The following VPS13A variants were observed in gnomAD, a reference collection of about 807,000 sequenced individuals.
The protein encoded by VPS13A is intermembrane lipid transfer protein VPS13A.
VPS13A carries 264 observed loss-of-function variants against 390.9 expected under a neutral mutation model. The ratio of observed to expected loss-of-function variants is 0.68; its 90% CI spans 0.61 to 0.75. The LOEUF (loss-of-function observed/expected upper bound fraction) is 0.75, where lower values mean the gene tolerates loss of function less well. Ranked by LOEUF, VPS13A falls within the 30% of genes least tolerant of loss-of-function variation. The pLI is 0.00. For missense variants in VPS13A, 3,409 were observed against 3,733.9 expected, an observed-to-expected ratio of 0.91 and a Z score of 2.27; for synonymous variants, 1,231 against 1,227.1, an observed-to-expected ratio of 1.00 and a Z score of -0.07.
At chr9:77,398,864 G>T (rs1389601787) in intron 68 of VPS13A, among the ~76,000 whole-genome samples, 1 of 151,474 alleles carries the variant, frequency 6.6e-6, no homozygotes, top group Admixed American at 6.6e-5. Context: ...CATATCCTTT[G>T]TAGGGACATG....
intron 5 of VPS13A, among the ~76,000 whole-genome samples, chr9:77,207,252 T>TATAAAA: frequency 1.1e-5 from 1 of 87,274 alleles, no homozygotes; most frequent in African/African-American, 4.1e-5. Context: ...TATATATATA[T>TATAAAA]AAAACGTGTT....
rs567914009 is a variant in VPS13A, at chr9:77,385,640, C to T, written c.9189+3553C>T. ...TGTCCTATTTCTCTAACATATCAGA[C>T]GTACTTTAAAAAATTCTCTAAAAAG... On this transcript the variant is annotated intron_variant, in intron 68 of 71. Coordinates refer to ENST00000360280, the MANE Select transcript of VPS13A (RefSeq NM_033305.3). 7.9e-5 allele frequency among the ~76,000 whole-genome samples: 12 copies of T among 151,982 alleles called. 1 individual carries two copies. Among genetic ancestry groups the T allele is most frequent in the African/African-American group, 2.2e-4 (9 of 41,506 alleles).
At chr9:77,407,781 T>C (rs1834696148) in intron 71 of VPS13A, 174 bp downstream of exon 71, 2 of 560,404 alleles carry the variant, frequency 3.6e-6, no homozygotes, top group African/African-American at 1.9e-5. Flanking sequence ...ACCCCAGACT[T>C]TTTTTTCTAC....
In VPS13A at chr9:77,282,302, CTT is replaced by C. The variant is rs11316008; in HGVS notation, c.3118+40_3118+41del. 3.3e-3 allele frequency: 4,477 copies of C among 1,350,282 alleles called. 20 individuals carry two copies. Among genetic ancestry groups the C allele is most frequent in the African/African-American group, 0.025 (1,705 of 67,906 alleles). 83.6% of individuals were successfully genotyped at this position (1,350,282 alleles called of 1,614,324 possible). ...ATGTTTTTTAAAAATTTAGCATCAA[CTT>C]TTTTTTTTTTTAACCATGTAGGTCA... On this transcript the variant is annotated intron_variant, in intron 29 of 71. Coordinates refer to ENST00000360280, the MANE Select transcript of VPS13A (RefSeq NM_033305.3).
intron 50 of VPS13A, among the ~76,000 whole-genome samples, chr9:77,343,788 A>T (rs1830978023): frequency 6.6e-6 from 1 of 152,160 alleles, no homozygotes; most frequent in African/African-American, 2.4e-5. Context: ...GATTTTTAGT[A>T]ACTGAATGTA....
At chr9:77,305,834 G>A (rs1194246396) in intron 34 of VPS13A, among the ~76,000 whole-genome samples, 1 of 152,170 alleles carries the variant, frequency 6.6e-6, no homozygotes, top group African/African-American at 2.4e-5. Flanking sequence ...TGACTTGTCA[G>A]ATTTTCAGTG....
chr9:77,309,126 A>G (rs911604232), intron 35 of VPS13A, among the ~76,000 whole-genome samples: 14 of 152,208 alleles, frequency 9.2e-5, no homozygotes, highest in Non-Finnish European at 4.4e-5. Context: ...AGAAGATAAT[A>G]TAAGAAATGG....
chr9:77,243,720 A>T (rs963522719), intron 19 of VPS13A, among the ~76,000 whole-genome samples: 1 of 152,184 alleles, frequency 6.6e-6, no homozygotes, highest in Non-Finnish European at 1.5e-5. Flanking sequence ...GGAACATAGC[A>T]ATGATCAGAA....
chr9:77,291,481 T>C (rs1564700180), intron 31 of VPS13A, among the ~76,000 whole-genome samples: 1 of 151,740 alleles, frequency 6.6e-6, no homozygotes, highest in Non-Finnish European at 1.5e-5. Flanking sequence ...GGGTGGGGGG[T>C]TGAGCTTAGG....
chr9:77,336,432 C>A (rs1423930123), intron 46 of VPS13A, among the ~76,000 whole-genome samples: 1 of 151,978 alleles, frequency 6.6e-6, no homozygotes, highest in African/African-American at 2.4e-5. Context: ...CAGCACTGTT[C>A]CGCATCTATT....
chr9:77,178,815 T>A (rs992379566), intron 1 of VPS13A, among the ~76,000 whole-genome samples: 1 of 152,192 alleles, frequency 6.6e-6, no homozygotes, highest in Non-Finnish European at 1.5e-5. Flanking sequence ...GTGTGAAGTG[T>A]GTGTGTTTAA....
At chr9:77,182,278 G>C (rs539415398) in intron 1 of VPS13A, among the ~76,000 whole-genome samples, 2 of 152,156 alleles carry the variant, frequency 1.3e-5, no homozygotes, top group Non-Finnish European at 2.9e-5. Context: ...ATTTTTAGTA[G>C]GGACGGCATT....
intron 10 of VPS13A, among the ~76,000 whole-genome samples, chr9:77,219,515 A>C (rs1358271048): frequency 2.0e-5 from 3 of 152,206 alleles, no homozygotes; most frequent in African/African-American, 7.2e-5. Flanking sequence ...TTTACCAATT[A>C]AAAGGAAGAA....
At chr9:77,388,507 C>T (rs1372408437) in intron 68 of VPS13A, among the ~76,000 whole-genome samples, 1 of 151,990 alleles carries the variant, frequency 6.6e-6, no homozygotes. Flanking sequence ...TATATAGCAA[C>T]AGTCTACCTC....
intron 22 of VPS13A, among the ~76,000 whole-genome samples, chr9:77,257,095 T>C (rs1210621298): frequency 6.6e-6 from 1 of 152,212 alleles, no homozygotes; most frequent in Non-Finnish European, 1.5e-5. Context: ...AATGGTGCCC[T>C]TTGTGTTCAG....
At chr9:77,274,073 A>G (rs1826500021) in intron 24 of VPS13A, among the ~76,000 whole-genome samples, 1 of 152,242 alleles carries the variant, frequency 6.6e-6, no homozygotes, top group African/African-American at 2.4e-5. Context: ...TTTATTTTAA[A>G]TAGCACAATT....
intron 68 of VPS13A, among the ~76,000 whole-genome samples, chr9:77,396,203 C>T (rs1275105043): frequency 6.6e-6 from 1 of 152,138 alleles, no homozygotes; most frequent in Non-Finnish European, 1.5e-5. Flanking sequence ...AGTTATTTTC[C>T]TTCTCCAGGC....
intron 23 of VPS13A, among the ~76,000 whole-genome samples, chr9:77,265,467 T>C (rs548057183): frequency 2.5e-4 from 38 of 152,314 alleles, no homozygotes; most frequent in African/African-American, 9.1e-4. Context: ...ACTGCCTCAA[T>C]TTCGGAACTT....
At chr9:77,270,767 G>T (rs1235126930) in intron 23 of VPS13A, among the ~76,000 whole-genome samples, 3 of 152,200 alleles carry the variant, frequency 2.0e-5, no homozygotes, top group African/African-American at 7.2e-5. Flanking sequence ...CTAGCTAAGT[G>T]GGGGAAGGAT....
Sources: allele counts gnomAD v4.1 joint callset (sites outside exome capture counted in the v4.1 genomes callset), GRCh38; gene constraint gnomAD v4.1.1; transcripts MANE v1.5; gene names NCBI Gene and HGNC (gene_info 2026-07-23, HGNC 2026-07-21).